The following ZNRF3 variants were observed in gnomAD, a reference collection of about 807,000 sequenced individuals.
ZNRF3 encodes E3 ubiquitin-protein ligase ZNRF3.
In ZNRF3, 23 loss-of-function variants were observed where a neutral mutation model predicts 72.5. The observed-to-expected ratio is 0.32, with a 90% CI of 0.23 to 0.45. The LOEUF (loss-of-function observed/expected upper bound fraction) is 0.45. ZNRF3 is among the 20% of genes least tolerant of loss of function. ZNRF3 has a pLI of 1.00. For synonymous variants in ZNRF3, 610 were observed against 545.3 expected (o/e 1.12, Z -1.65); for missense variants, 1,169 against 1,272.1 (o/e 0.92, Z 1.23).
chr22:28,892,377 G>A (rs991277324), intron 1 of ZNRF3, among the ~76,000 whole-genome samples: 4 of 152,208 alleles, frequency 2.6e-5, no homozygotes, highest in East Asian at 1.9e-4. Context: ...AAGAACACCT[G>A]GGGGAGGGAA....
intron 1 of ZNRF3, among the ~76,000 whole-genome samples, chr22:28,929,294 T>G (rs564213323): frequency 1.3e-5 from 2 of 152,246 alleles, no homozygotes; most frequent in African/African-American, 4.8e-5. Context: ...TTTTCCTTAT[T>G]GTAGACGTGG....
Position 28,999,163 on chromosome 22 carries a change from CAAAAAAAA to C in ZNRF3, c.426+11976_426+11983del, listed in dbSNP as rs10601140. Among the ~76,000 whole-genome samples the C allele has an allele frequency of 2.8e-4, 18 of 63,420 alleles. No homozygotes were observed. In the South Asian group the frequency reaches 5.9e-3, roughly 21 times the overall value. The allele number at this position is 63,420 out of a possible 152,430, so 41.6% of individuals were successfully genotyped here. ...TGAAACCTCATCTCTAATAAAAATACAAAAAAAAAAAAAAAAAAAAATTAGCCAGGCAT... is the reference window on the plus strand; with the variant it reads ...TGAAACCTCATCTCTAATAAAAATACAAAAAAAAAAAAATTAGCCAGGCAT... On this transcript the variant is annotated intron_variant, in intron 2 of 8. Coordinates refer to ENST00000544604, the MANE Select transcript of ZNRF3 (RefSeq NM_001206998.2).
At chr22:28,986,889 A>G (rs2035864522) in intron 1 of ZNRF3, among the ~76,000 whole-genome samples, 187 bp from the exon 2 acceptor site, 1 of 152,214 alleles carries the variant, frequency 6.6e-6, no homozygotes, top group Admixed American at 6.5e-5. Context: ...ATGGCTCTAT[A>G]GTGTTCTCCC....
chr22:29,050,336 T>G lies in ZNRF3; in HGVS notation c.2155T>G (p.Ser719Ala). The G allele has an allele frequency of 6.2e-7, 1 of 1,601,714 alleles. No homozygotes were observed. The highest frequency in any genetic ancestry group is 1.1e-5 in the South Asian group (1 of 90,790). The change falls in exon 8 of 9, where the codon TCC becomes GCC. Residue 719 changes from serine (S) to alanine (A), a missense_variant. Transcript: ENST00000544604. ...TGCCTGCTGCTGCGAGCCCCAGCCCTCCCCAGCCGGGCCTAGCGCCGGAGC... is the reference window on the plus strand; with the variant it reads ...TGCCTGCTGCTGCGAGCCCCAGCCCGCCCCAGCCGGGCCTAGCGCCGGAGC... Reference protein sequence around the residue: ...SCACCCEPQPSPAGPSAGAAG... With the variant: ...SCACCCEPQPAPAGPSAGAAG...
chr22:28,944,410 CAGG>C (rs2035007996), intron 1 of ZNRF3, among the ~76,000 whole-genome samples: 1 of 152,014 alleles, frequency 6.6e-6, no homozygotes, highest in Admixed American at 6.5e-5. Context: ...ATCACGAGGT[CAGG>C]AGATTGAGAC....
intron 2 of ZNRF3, among the ~76,000 whole-genome samples, chr22:29,024,470 C>A (rs1293553570): frequency 2.0e-5 from 3 of 152,026 alleles, no homozygotes; most frequent in Non-Finnish European, 4.4e-5. Context: ...GTCTGCTGTT[C>A]ACAAGATAAC....
At chr22:28,968,163 A>G (rs1041660840) in intron 1 of ZNRF3, among the ~76,000 whole-genome samples, 5 of 151,950 alleles carry the variant, frequency 3.3e-5, no homozygotes, top group African/African-American at 1.2e-4. Context: ...TTCTTCCTCT[A>G]CTGCATTCTG....
chr22:28,920,335 A>G (rs1427488857), intron 1 of ZNRF3, among the ~76,000 whole-genome samples: 1 of 150,168 alleles, frequency 6.7e-6, no homozygotes, highest in Non-Finnish European at 1.5e-5. Flanking sequence ...CAGTGGGGCA[A>G]TCTTGGCTCA....
chr22:29,000,235 C>G (rs2036119291), intron 2 of ZNRF3, among the ~76,000 whole-genome samples: 1 of 152,158 alleles, frequency 6.6e-6, no homozygotes, highest in Non-Finnish European at 1.5e-5. Flanking sequence ...AAATAAAATT[C>G]TGGTCAGCCT....
intron 1 of ZNRF3, among the ~76,000 whole-genome samples, chr22:28,981,613 G>T (rs1160020302): frequency 6.6e-6 from 1 of 152,184 alleles, no homozygotes; most frequent in African/African-American, 2.4e-5. Context: ...ACTGATTTTT[G>T]AGAATAAACA....
intron 2 of ZNRF3, among the ~76,000 whole-genome samples, chr22:29,040,582 A>G (rs1243386500): frequency 6.6e-6 from 1 of 152,188 alleles, no homozygotes; most frequent in Non-Finnish European, 1.5e-5. Context: ...CCAGTGGCAG[A>G]GGCAGGAATA....
At chr22:29,035,924 C>G (rs1313965144) in intron 2 of ZNRF3, among the ~76,000 whole-genome samples, 2 of 152,124 alleles carry the variant, frequency 1.3e-5, no homozygotes, top group African/African-American at 4.8e-5. Context: ...CCAGGCTGGC[C>G]TCAAGCTCCT....
At chr22:28,946,627 G>A (rs188403371) in intron 1 of ZNRF3, among the ~76,000 whole-genome samples, 1 of 152,310 alleles carries the variant, frequency 6.6e-6, no homozygotes, top group African/African-American at 2.4e-5. Flanking sequence ...GAAATCACTA[G>A]TTATGGATGC....
intron 1 of ZNRF3, among the ~76,000 whole-genome samples, chr22:28,941,477 C>G (rs778695021): frequency 6.6e-6 from 1 of 152,062 alleles, no homozygotes; most frequent in African/African-American, 2.4e-5. Context: ...TCTCGTTTTC[C>G]TTTTCTCTTT....
Position 28,987,187 on chromosome 22 carries a change from A to C in ZNRF3, c.412A>C (p.Thr138Pro), listed in dbSNP as rs1297625753. Reference sequence around the variant, plus strand: ...AGAATTGGACCCGAAACCATGCCTCACTGTCCTAGGCAAGGTAAGCACCAG... The same window carrying C: ...AGAATTGGACCCGAAACCATGCCTCCCTGTCCTAGGCAAGGTAAGCACCAG... ...QPELDPKPCLTVLGKAKRAVQ... is the reference protein window; with the variant it reads ...QPELDPKPCLPVLGKAKRAVQ... The change falls in exon 2 of 9, where the codon ACT becomes CCT. Residue 138 changes from threonine (T) to proline (P), a missense_variant. By Grantham distance (38) the Thr-to-Pro change is conservative (BLOSUM62 -1). This residue lies in a region of ZNRF3 where 386 missense variants were observed against 540.7 expected (regional missense o/e 0.71). Transcript: ENST00000544604. 6.2e-7 allele frequency: 1 copy of C among 1,613,594 alleles called. No homozygotes were observed. Among genetic ancestry groups the C allele is most frequent in the Non-Finnish European group, 8.5e-7 (1 of 1,179,772 alleles).
intron 1 of ZNRF3, among the ~76,000 whole-genome samples, chr22:28,928,080 T>A (rs1489331329): frequency 5.3e-5 from 8 of 152,222 alleles, no homozygotes; most frequent in African/African-American, 1.9e-4. Flanking sequence ...TGGTACAGTT[T>A]AGAGCCAGTG....
intron 2 of ZNRF3, among the ~76,000 whole-genome samples, chr22:29,021,734 C>T (rs1022758072): frequency 6.6e-6 from 1 of 152,032 alleles, no homozygotes; most frequent in African/African-American, 2.4e-5. Context: ...ATGACCCACC[C>T]ACCTCGACCT....
chr22:29,024,841 G>C (rs889867044), intron 2 of ZNRF3, among the ~76,000 whole-genome samples: 1 of 152,074 alleles, frequency 6.6e-6, no homozygotes, highest in Non-Finnish European at 1.5e-5. Context: ...TGACTGCTTG[G>C]ATGCTGTGTT....
rs899127882 is a variant in ZNRF3 at position 28,913,438 on chromosome 22, T to A, written c.300+29372T>A. On this transcript the variant is annotated intron_variant, in intron 1 of 8. Transcript: ENST00000544604. ...GGAGTGGCGGGTAGCCAGTATTAGG[T>A]TAGTTTAGGGTCTGCACTGGTTCAG... 9.2e-5 allele frequency among the ~76,000 whole-genome samples: 14 copies of A among 151,614 alleles called. No homozygotes were observed. In the South Asian group the frequency reaches 1.9e-3, roughly 20 times the overall value.
Sources: allele counts gnomAD v4.1 joint callset (sites outside exome capture counted in the v4.1 genomes callset), GRCh38; gene constraint gnomAD v4.1.1; regional missense constraint gnomAD v4.1.1; transcripts MANE v1.5; gene names NCBI Gene and HGNC (gene_info 2026-07-23, HGNC 2026-07-21).